Variants in DCC observed in about 807,000 individuals in gnomAD.
DCC encodes DCC netrin 1 receptor.
A neutral mutation model predicts 172.5 loss-of-function variants in DCC; 58 were observed. That is an observed-to-expected ratio of 0.34 (90% CI 0.27 to 0.42). The LOEUF is 0.42. Ranked by LOEUF, DCC falls within the 10% of genes least tolerant of loss-of-function variation. The pLI is 1.00. For missense variants in DCC, 1,740 were observed against 1,791.0 expected, an observed-to-expected ratio of 0.97 and a Z score of 0.51; for synonymous variants, 709 against 644.5, an observed-to-expected ratio of 1.10 and a Z score of -1.52.
chr18:53,236,536 A>G (rs1297940540), intron 12 of DCC, among the ~76,000 whole-genome samples: 1 of 152,046 alleles, frequency 6.6e-6, no homozygotes, highest in African/African-American at 2.4e-5. Flanking sequence ...TATTGTTAGT[A>G]TTTTATACAA....
At chr18:52,849,531 A>G (rs2038943749) in intron 2 of DCC, among the ~76,000 whole-genome samples, 1 of 152,226 alleles carries the variant, frequency 6.6e-6, no homozygotes, top group African/African-American at 2.4e-5. Flanking sequence ...ATAGGGCAAG[A>G]AGAGAGTATT....
At chr18:52,892,035 AC>A (rs1171826194) in intron 2 of DCC, among the ~76,000 whole-genome samples, 1 of 152,120 alleles carries the variant, frequency 6.6e-6, no homozygotes, top group African/African-American at 2.4e-5. Flanking sequence ...GTGGTGGATG[AC>A]ATCTGAATTA....
chr18:52,547,832 G>A (rs1330842937), intron 1 of DCC, among the ~76,000 whole-genome samples: 2 of 152,094 alleles, frequency 1.3e-5, no homozygotes, highest in African/African-American at 4.8e-5. Context: ...GGGCAGGATA[G>A]TAAATATTAT....
chr18:53,158,734 G>A (rs2054787544), intron 8 of DCC, among the ~76,000 whole-genome samples: 1 of 152,028 alleles, frequency 6.6e-6, no homozygotes, highest in Non-Finnish European at 1.5e-5. Context: ...CTCCACGCCT[G>A]TAATCCCAGC....
rs1343264271 is a variant in DCC at position 52,910,503 on chromosome 18, T to A, written c.697+4175T>A. The stretch of plus-strand genomic sequence containing the variant: ...TAATACATTGTGCTAAAGCATTTTT[T>A]AAAATATCAATAACAAAACACTAAG... On this transcript the variant is annotated intron_variant, in intron 3 of 28. Transcript: ENST00000442544. Among the ~76,000 whole-genome samples the A allele has an allele frequency of 2.6e-5, 4 of 152,278 alleles. No individual in the cohort carries two copies. In the East Asian group the frequency reaches 7.7e-4, roughly 29 times the overall value.
intron 5 of DCC, among the ~76,000 whole-genome samples, chr18:53,061,429 T>C: frequency 6.6e-6 from 1 of 152,158 alleles, no homozygotes; most frequent in East Asian, 1.9e-4. Flanking sequence ...CTAATGGATG[T>C]GACCCAAATT....
At position 53,397,527 on chromosome 18, in the gene DCC, T is replaced by G. The variant is rs1909030431; in HGVS notation, c.2827+81T>G. ...TGGAAATTAGAACATGTGTTCCCTA[T>G]GGTGTCTCAATTATACCTTATCCTA... On this transcript the variant is annotated intron_variant, in intron 18 of 28. Transcript: ENST00000442544. 8.8e-6 allele frequency: 13 copies of G among 1,477,832 alleles called. No homozygotes were observed. In the South Asian group the frequency reaches 1.5e-4, roughly 17 times the overall value. The allele number at this position is 1,477,832 out of a possible 1,614,324, so 91.5% of individuals were successfully genotyped here.
chr18:53,302,969 A>G (rs1480583263), intron 12 of DCC, among the ~76,000 whole-genome samples: 1 of 152,312 alleles, frequency 6.6e-6, no homozygotes, highest in East Asian at 1.9e-4. Context: ...TATTTTGTTT[A>G]ATATTCCACA....
intron 27 of DCC, among the ~76,000 whole-genome samples, chr18:53,503,251 G>C (rs2046126583): frequency 6.6e-6 from 1 of 152,152 alleles, no homozygotes. Context: ...AAGCCATTCT[G>C]TTGTCATAAC....
At chr18:52,447,720 G>A (rs904436072) in intron 1 of DCC, among the ~76,000 whole-genome samples, 1 of 152,132 alleles carries the variant, frequency 6.6e-6, no homozygotes, top group African/African-American at 2.4e-5. Context: ...CAATCATGGT[G>A]GGAGGTAAAG....
At chr18:52,883,454 T>C (rs1168086061) in intron 2 of DCC, among the ~76,000 whole-genome samples, 3 of 151,614 alleles carry the variant, frequency 2.0e-5, no homozygotes, top group African/African-American at 7.3e-5. Flanking sequence ...TTTTCTTTCT[T>C]TTTATTTTTT....
chr18:53,126,521 A>G (rs1251310729), intron 7 of DCC, among the ~76,000 whole-genome samples: 3 of 152,162 alleles, frequency 2.0e-5, no homozygotes, highest in Non-Finnish European at 2.9e-5. Context: ...GGGCTTTAAA[A>G]GCACAGAAAA....
chr18:53,340,026 C>T, intron 15 of DCC, 119 bp downstream of exon 15: 3 of 765,832 alleles, frequency 3.9e-6, no homozygotes, highest in South Asian at 3.3e-5. Context: ...CATGTATTAG[C>T]TCTGAAAGCA....
At chr18:52,486,928 G>A (rs1359606989) in intron 1 of DCC, among the ~76,000 whole-genome samples, 1 of 152,068 alleles carries the variant, frequency 6.6e-6, no homozygotes, top group East Asian at 1.9e-4. Context: ...ATATGCTATT[G>A]TTCTCTGTAG....
intron 1 of DCC, among the ~76,000 whole-genome samples, chr18:52,497,506 G>A (rs1168528457): frequency 7.0e-6 from 1 of 142,588 alleles, no homozygotes; most frequent in African/African-American, 2.6e-5. Context: ...AGTTTTGCTT[G>A]ATATAGTTTT....
chr18:52,795,059 A>G (rs761723358), intron 2 of DCC, among the ~76,000 whole-genome samples: 1 of 151,572 alleles, frequency 6.6e-6, no homozygotes, highest in Admixed American at 6.6e-5. Context: ...TTGCATCTGT[A>G]TTGATCAGAA....
In DCC at chr18:53,339,884, G is replaced by T; in HGVS notation, c.2336G>T (p.Arg779Leu). The T allele has an allele frequency of 6.2e-7, 1 of 1,613,618 alleles. No homozygotes were observed. Among genetic ancestry groups the T allele is most frequent in the South Asian group, 1.1e-5 (1 of 91,060 alleles). The change falls in exon 15 of 29, where the codon CGA becomes CTA. Residue 779 changes from arginine to leucine, a missense_variant. Arg to Leu is a moderately radical substitution (Grantham distance 102). This residue lies in a region of DCC where 1,732 missense variants were observed against 1,767.4 expected (regional missense o/e 0.98). Coordinates refer to ENST00000442544, the MANE Select transcript of DCC (RefSeq NM_005215.4). ...AETVRVDSKQ[R>L]YYSIERLESS... ...ACAGTGCGTGTGGACAGCAAGCAGC[G>T]ATATTATTCCATTGAGAGGTTAGGT...
chr18:52,603,619 C>T (rs923368107), intron 1 of DCC, among the ~76,000 whole-genome samples: 34 of 151,672 alleles, frequency 2.2e-4, no homozygotes, highest in Middle Eastern at 3.4e-3. Context: ...CACACACACA[C>T]ACACACAGTT....
intron 14 of DCC, among the ~76,000 whole-genome samples, chr18:53,332,480 A>G (rs934415047): frequency 7.9e-5 from 12 of 152,184 alleles, no homozygotes; most frequent in African/African-American, 2.7e-4. Flanking sequence ...ACATGAGCAA[A>G]AATTTGTTAA....
Sources: gnomAD v4.1 joint callset for allele counts (sites outside exome capture counted in the v4.1 genomes callset) on GRCh38, gnomAD v4.1.1 for gene constraint, gnomAD v4.1.1 regional missense constraint, MANE v1.5 for transcripts, NCBI Gene and HGNC (gene_info 2026-07-23, HGNC 2026-07-21) for gene names.